LRRC7: variants seen among roughly 807,000 people sequenced by gnomAD.
LRRC7 encodes leucine-rich repeat-containing protein 7.
LRRC7 carries 23 observed loss-of-function variants against 175.7 expected under a neutral mutation model. That is an observed-to-expected ratio of 0.13 (90% CI 0.09 to 0.19). The LOEUF (loss-of-function observed/expected upper bound fraction) is 0.19, where lower values mean the gene tolerates loss of function less well. Among genes scored for constraint, LRRC7 ranks in the 10% least tolerant of loss-of-function variants. The pLI is 1.00. For missense variants in LRRC7, 1,354 were observed against 1,904.7 expected (o/e 0.71, Z 5.38); for synonymous variants, 685 against 680.9 (o/e 1.01, Z -0.09).
At chr1:69,835,615 C>G (rs933941954) in intron 6 of LRRC7, among the ~76,000 whole-genome samples, 1 of 151,936 alleles carries the variant, frequency 6.6e-6, no homozygotes, top group South Asian at 2.1e-4. Context: ...TCATGCAGGG[C>G]AGTATGCTTT....
chr1:69,684,996 A>G (rs191684241), intron 2 of LRRC7, among the ~76,000 whole-genome samples: 11 of 152,302 alleles, frequency 7.2e-5, no homozygotes, highest in Non-Finnish European at 1.5e-4. Context: ...ACCCAGTGTC[A>G]TAAAGAGACC....
chr1:70,079,409 G>A (rs569611688), intron 24 of LRRC7, among the ~76,000 whole-genome samples: 9 of 143,046 alleles, frequency 6.3e-5, no homozygotes, highest in Admixed American at 2.7e-4. Flanking sequence ...GTACAATATG[G>A]AAAAAAATTA....
At chr1:69,779,424 T>C (rs1490382423) in intron 3 of LRRC7, among the ~76,000 whole-genome samples, 2 of 152,194 alleles carry the variant, frequency 1.3e-5, no homozygotes, top group Non-Finnish European at 2.9e-5. Flanking sequence ...CTTGCTACCA[T>C]CACATAAAGT....
chr1:69,740,474 G>C (rs911715349), intron 2 of LRRC7, among the ~76,000 whole-genome samples: 2 of 152,162 alleles, frequency 1.3e-5, no homozygotes, highest in East Asian at 3.9e-4. Context: ...GTTTAATTAA[G>C]CAATGAATGA....
chr1:70,114,632 G>A (rs1477837492), intron 26 of LRRC7, among the ~76,000 whole-genome samples: 1 of 152,192 alleles, frequency 6.6e-6, no homozygotes, highest in Admixed American at 6.5e-5. Flanking sequence ...AGGCTGCAGT[G>A]AGCTATGATA....
At chr1:70,085,773 C>T (rs1171360054) in intron 24 of LRRC7, among the ~76,000 whole-genome samples, 2 of 152,140 alleles carry the variant, frequency 1.3e-5, no homozygotes, top group African/African-American at 4.8e-5. Context: ...TTCCACAGTT[C>T]ATCCCACTAT....
At chr1:69,639,876 T>C (rs1653943040) in intron 1 of LRRC7, among the ~76,000 whole-genome samples, 1 of 151,702 alleles carries the variant, frequency 6.6e-6, no homozygotes, top group Non-Finnish European at 1.5e-5. Context: ...AATCGGTTAA[T>C]AATCCACAAC....
chr1:69,899,597 G>A (rs1256125010), intron 7 of LRRC7, among the ~76,000 whole-genome samples: 3 of 152,172 alleles, frequency 2.0e-5, no homozygotes, highest in Non-Finnish European at 1.5e-5. Flanking sequence ...CACAAATGCA[G>A]CCATAGATGA....
intron 4 of LRRC7, among the ~76,000 whole-genome samples, chr1:69,793,809 T>A (rs1011488728): frequency 2.0e-5 from 3 of 152,058 alleles, no homozygotes; most frequent in African/African-American, 7.2e-5. Flanking sequence ...AGGAGCCCAG[T>A]AAATATCTAT....
chr1:69,872,113 G>A (rs1685612319), intron 7 of LRRC7, among the ~76,000 whole-genome samples: 1 of 151,922 alleles, frequency 6.6e-6, no homozygotes, highest in Admixed American at 6.6e-5. Flanking sequence ...CAGCTAATGT[G>A]TTCAACCATC....
At chr1:69,894,124 G>A (rs1645914467) in intron 7 of LRRC7, among the ~76,000 whole-genome samples, 2 of 152,050 alleles carry the variant, frequency 1.3e-5, no homozygotes, top group South Asian at 4.1e-4. Flanking sequence ...CCTAATCTAG[G>A]GACCAGAATC....
intron 2 of LRRC7, among the ~76,000 whole-genome samples, chr1:69,687,329 C>T (rs532270898): frequency 1.9e-4 from 29 of 151,650 alleles, no homozygotes; most frequent in African/African-American, 6.3e-4. Context: ...GCCAAGATGG[C>T]GAAACCCTGT....
At chr1:69,948,319 T>G (rs1346074428) in intron 8 of LRRC7, among the ~76,000 whole-genome samples, 1 of 152,212 alleles carries the variant, frequency 6.6e-6, no homozygotes, top group Non-Finnish European at 1.5e-5. Context: ...TACTTTCATA[T>G]GCTTTTGTGT....
intron 2 of LRRC7, among the ~76,000 whole-genome samples, chr1:69,725,341 T>G (rs897530942): frequency 6.6e-6 from 1 of 152,112 alleles, no homozygotes; most frequent in Admixed American, 6.6e-5. Context: ...GCCCGTACAA[T>G]TCAAACCTGT....
intron 23 of LRRC7, among the ~76,000 whole-genome samples, chr1:70,056,285 CA>C (rs1349147006): frequency 6.6e-6 from 1 of 152,036 alleles, no homozygotes; most frequent in Non-Finnish European, 1.5e-5. Context: ...AAGACATGTA[CA>C]GTACATAGGA....
At chr1:69,759,235 A>G (rs1670769985) in intron 2 of LRRC7, among the ~76,000 whole-genome samples, 1 of 152,024 alleles carries the variant, frequency 6.6e-6, no homozygotes. Flanking sequence ...TCATTTATTC[A>G]TTCATGCTTT....
chr1:69,965,419 T>A (rs1301853459), intron 8 of LRRC7, among the ~76,000 whole-genome samples: 3 of 152,216 alleles, frequency 2.0e-5, no homozygotes, highest in Non-Finnish European at 4.4e-5. Context: ...GAATATATTA[T>A]GCTCATATTC....
intron 1 of LRRC7, among the ~76,000 whole-genome samples, chr1:69,576,010 T>C (rs1379306497): frequency 1.3e-5 from 2 of 152,006 alleles, no homozygotes; most frequent in Non-Finnish European, 2.9e-5. Flanking sequence ...GGTGGGGTGA[T>C]TGTTTGAGTT....
At chr1:69,686,603 C>A (rs754784746) in intron 2 of LRRC7, among the ~76,000 whole-genome samples, 10 of 152,038 alleles carry the variant, frequency 6.6e-5, no homozygotes, top group Middle Eastern at 6.9e-3. Context: ...ATAATACACT[C>A]AAAAACATTA....
Sources: allele counts gnomAD v4.1 joint callset (sites outside exome capture counted in the v4.1 genomes callset), GRCh38; gene constraint gnomAD v4.1.1; transcripts MANE v1.5; gene names NCBI Gene and HGNC (gene_info 2026-07-23, HGNC 2026-07-21).